Variants in SLC39A10 observed in about 807,000 individuals in gnomAD.
SLC39A10 encodes the protein solute carrier family 39 member 10.
SLC39A10 carries 13 observed loss-of-function variants against 65.1 expected under a neutral mutation model. The ratio of observed to expected loss-of-function variants is 0.20; its 90% CI spans 0.13 to 0.32. The LOEUF is 0.32. Among genes scored for constraint, SLC39A10 ranks in the 10% least tolerant of loss-of-function variants. The pLI is 1.00. For missense variants in SLC39A10, 831 were observed against 1,018.4 expected, an observed-to-expected ratio of 0.82 and a Z score of 2.50; for synonymous variants, 321 against 342.2, an observed-to-expected ratio of 0.94 and a Z score of 0.68.
chr2:195,624,855 C>G (rs1688429868), intron 2 of SLC39A10, among the ~76,000 whole-genome samples: 1 of 142,642 alleles, frequency 7.0e-6, no homozygotes, highest in Non-Finnish European at 1.5e-5. Flanking sequence ...CCACTGCACT[C>G]CAGCCTGGGC....
intron 2 of SLC39A10, among the ~76,000 whole-genome samples, chr2:195,631,464 T>G (rs1355243062): frequency 6.6e-6 from 1 of 152,154 alleles, no homozygotes; most frequent in African/African-American, 2.4e-5. Context: ...TACTTAAACA[T>G]GCTATTGAAT....
At chr2:195,703,289 G>A (rs1191269856) in intron 3 of SLC39A10, among the ~76,000 whole-genome samples, 2 of 152,050 alleles carry the variant, frequency 1.3e-5, no homozygotes, top group African/African-American at 4.8e-5. Flanking sequence ...CTTTTTAAAG[G>A]GGCAGAATAA....
At chr2:195,638,244 C>T (rs1266773124) in intron 2 of SLC39A10, among the ~76,000 whole-genome samples, 2 of 152,196 alleles carry the variant, frequency 1.3e-5, no homozygotes, top group Non-Finnish European at 2.9e-5. Flanking sequence ...CCTCCTGCCT[C>T]AGCCTCCCAA....
intron 1 of SLC39A10, among the ~76,000 whole-genome samples, chr2:195,665,767 G>A (rs1265081642): frequency 1.3e-5 from 2 of 151,922 alleles, no homozygotes; most frequent in Non-Finnish European, 2.9e-5. Context: ...TCATTACCAT[G>A]TCTCCAGATA....
chr2:195,728,403 T>C lies in SLC39A10; in HGVS notation c.2337+54T>C. The stretch of plus-strand genomic sequence containing the variant: ...CTAAACCTGCAAATGAAAGAAATCC[T>C]TGGAAGTGGTTTGAAGCCAAACTAT... On this transcript the variant is annotated intron_variant, in intron 9 of 9. Coordinates refer to ENST00000359634, the MANE Select transcript of SLC39A10 (RefSeq NM_020342.3). The surrounding 1 kb of genome is among the most constrained non-coding windows in gnomAD (Gnocchi z 4.4). The C allele has an allele frequency of 1.3e-6, 2 of 1,511,678 alleles. No homozygotes were observed. The highest frequency in any genetic ancestry group is 1.8e-6 in the Non-Finnish European group (2 of 1,113,460). 93.6% of individuals were successfully genotyped at this position (1,511,678 alleles called of 1,614,324 possible).
At chr2:195,719,537 C>T (rs753161519) in intron 8 of SLC39A10, among the ~76,000 whole-genome samples, 2 of 152,094 alleles carry the variant, frequency 1.3e-5, no homozygotes, top group Non-Finnish European at 2.9e-5. Flanking sequence ...GGTATGCATG[C>T]TAAAGCAGTA....
intron 9 of SLC39A10, among the ~76,000 whole-genome samples, chr2:195,730,779 C>T (rs780504131): frequency 1.1e-4 from 16 of 152,186 alleles, no homozygotes; most frequent in Admixed American, 2.0e-4. Flanking sequence ...CAGCTCTTGA[C>T]GTTGCCAACA....
rs59066985 is a variant in SLC39A10, at chr2:195,667,819, C to T, written c.-12+10538C>T. On this transcript the variant is annotated intron_variant, in intron 1 of 9. Coordinates refer to ENST00000359634, the MANE Select transcript of SLC39A10 (RefSeq NM_020342.3). ...CAAAATACCACATTTAATGGATATA[C>T]GAGAAGTAGGGACAGAACTCAATTT... Among the ~76,000 whole-genome samples, 2,813 of 152,078 alleles carry T rather than the reference C, an allele frequency of 0.018. 216 individuals carry two copies. In the East Asian group the frequency reaches 0.25, roughly 13 times the overall value.
At chr2:195,718,637 G>A (rs1691905466) in intron 8 of SLC39A10, among the ~76,000 whole-genome samples, 1 of 152,084 alleles carries the variant, frequency 6.6e-6, no homozygotes, top group African/African-American at 2.4e-5. Flanking sequence ...TTTCTTAAAT[G>A]CCACATTTTG....
chr2:195,692,449 T>C (rs1381370006), intron 3 of SLC39A10, among the ~76,000 whole-genome samples: 1 of 152,240 alleles, frequency 6.6e-6, no homozygotes, highest in East Asian at 1.9e-4. Context: ...GTGGTCAATT[T>C]CACAGTATCG....
chr2:195,652,781 G>A (rs1475913174), upstream of SLC39A10, among the ~76,000 whole-genome samples: 5 of 152,162 alleles, frequency 3.3e-5, no homozygotes, highest in African/African-American at 1.2e-4. Context: ...CACTAGACTG[G>A]TTCGGGTGCA....
intron 3 of SLC39A10, among the ~76,000 whole-genome samples, chr2:195,689,389 T>G (rs1690640476): frequency 1.3e-5 from 2 of 152,006 alleles, no homozygotes. Context: ...ACCACCGTAC[T>G]CCAACCTGGA....
chr2:195,713,931 CT>C (rs111925254), intron 6 of SLC39A10, among the ~76,000 whole-genome samples: 23,522 of 146,056 alleles, frequency 0.16, 2,137 homozygotes, highest in African/African-American at 0.27. Context: ...ATGACAAAGA[CT>C]TTTTTTTTTT....
chr2:195,648,018 G>T (rs1220568430), intron 2 of SLC39A10, among the ~76,000 whole-genome samples: 2 of 152,074 alleles, frequency 1.3e-5, no homozygotes, highest in African/African-American at 4.8e-5. Flanking sequence ...ACTGAGGCAA[G>T]GTCCCACTCT....
At chr2:195,695,353 G>A (rs1690909536) in intron 3 of SLC39A10, among the ~76,000 whole-genome samples, 1 of 152,164 alleles carries the variant, frequency 6.6e-6, no homozygotes, top group African/African-American at 2.4e-5. Flanking sequence ...TGCCTCTGCT[G>A]AGTCACACAG....
intron 2 of SLC39A10, among the ~76,000 whole-genome samples, chr2:195,681,682 A>C (rs1341017814): frequency 6.6e-6 from 1 of 152,184 alleles, no homozygotes; most frequent in Non-Finnish European, 1.5e-5. Flanking sequence ...ATGTTGTTAG[A>C]AAATGTATTC....
At chr2:195,665,371 C>T (rs1689596217) in intron 1 of SLC39A10, among the ~76,000 whole-genome samples, 1 of 152,136 alleles carries the variant, frequency 6.6e-6, no homozygotes, top group African/African-American at 2.4e-5. Context: ...GTAGTCCCAG[C>T]TATGTAGGAG....
At chr2:195,618,706 C>T (rs1688280895) in intron 2 of SLC39A10, among the ~76,000 whole-genome samples, 1 of 152,122 alleles carries the variant, frequency 6.6e-6, no homozygotes, top group Non-Finnish European at 1.5e-5. Flanking sequence ...TCTGAAATGG[C>T]AGGTGATATC....
At chr2:195,622,492 G>A (rs906163508) in intron 2 of SLC39A10, among the ~76,000 whole-genome samples, 1 of 152,230 alleles carries the variant, frequency 6.6e-6, no homozygotes, top group Non-Finnish European at 1.5e-5. Context: ...TAGGCCTTCT[G>A]AAGTGAATAT....
Sources: allele counts gnomAD v4.1 joint callset (sites outside exome capture counted in the v4.1 genomes callset), GRCh38; gene constraint gnomAD v4.1.1; non-coding constraint Gnocchi (gnomAD v3.1); transcripts MANE v1.5; gene names NCBI Gene and HGNC (gene_info 2026-07-23, HGNC 2026-07-21).